NOS1: variants seen among roughly 807,000 people sequenced by gnomAD.
The protein encoded by NOS1 is nitric oxide synthase 1.
Under a neutral mutation model 164.5 loss-of-function variants are expected in NOS1, and 51 were observed. That is an observed-to-expected ratio of 0.31 (90% CI 0.25 to 0.39). The LOEUF is 0.39. NOS1 is among the 10% of genes least tolerant of loss of function. NOS1 has a pLI of 1.00. For missense variants in NOS1, 1,362 were observed against 1,885.6 expected (o/e 0.72, Z 5.14); for synonymous variants, 719 against 745.8 (o/e 0.96, Z 0.59).
chr12:117,307,351 G>GTGCTTT lies in NOS1; in HGVS notation c.852+4109_852+4114dup, dbSNP rs147193358. Among the ~76,000 whole-genome samples, 400 of 151,870 alleles carry GTGCTTT rather than the reference G, an allele frequency of 2.6e-3. 1 individual carries two copies. The highest frequency in any genetic ancestry group is 9.4e-3 in the African/African-American group (388 of 41,492). Reference sequence around the variant, plus strand: ...GTGTAGAAATGAAGAATGTTGTTAGGTGCTTTTTTTTGTTTTGTTTTTGTT... The same window carrying GTGCTTT: ...GTGTAGAAATGAAGAATGTTGTTAGGTGCTTTTGCTTTTTTTTGTTTTGTTTTTGTT... On this transcript the variant is annotated intron_variant, in intron 3 of 28. Transcript: ENST00000317775.
chr12:117,328,902 T>C (rs2136073061), intron 2 of NOS1, among the ~76,000 whole-genome samples: 1 of 152,332 alleles, frequency 6.6e-6, no homozygotes, highest in African/African-American at 2.4e-5. Flanking sequence ...ACTCCACACC[T>C]AGGCTATACG....
chr12:117,261,946 A>T (rs182630385), intron 13 of NOS1, among the ~76,000 whole-genome samples: 58 of 152,308 alleles, frequency 3.8e-4, no homozygotes, highest in African/African-American at 1.3e-3. Context: ...TTCCAGGGGC[A>T]CTAGCAGACA....
chr12:117,212,483 T>C lies in NOS1; in HGVS notation c.*2826A>G, dbSNP rs1261094732. The C allele has an allele frequency of 3.0e-6, 3 of 985,288 alleles. No homozygotes were observed. The highest frequency in any genetic ancestry group is 3.5e-5 in the African/African-American group (2 of 57,228). 61.0% of individuals were successfully genotyped at this position (985,288 alleles called of 1,614,324 possible). ...AAGGAGTTTAACATCATCTCTCTGC[T>C]CTTTCACGACACAAGCTGTGGGAAC... On this transcript the variant is annotated 3_prime_UTR_variant, in exon 29 of 29. Coordinates refer to ENST00000317775, the MANE Select transcript of NOS1 (RefSeq NM_000620.5).
intron 1 of NOS1, among the ~76,000 whole-genome samples, chr12:117,349,870 G>A (rs1377579678): frequency 3.4e-5 from 5 of 148,346 alleles, no homozygotes; most frequent in Non-Finnish European, 7.4e-5. Flanking sequence ...CTACAGGCAC[G>A]AGCCACCACA....
chr12:117,312,011 G>A (rs191835935), intron 2 of NOS1, among the ~76,000 whole-genome samples: 2 of 152,262 alleles, frequency 1.3e-5, no homozygotes, highest in Admixed American at 1.3e-4. Context: ...GGAAAAAGTA[G>A]GAGGTAGGAA....
chr12:117,241,867 G>A (rs1182089137), intron 20 of NOS1, among the ~76,000 whole-genome samples: 1 of 152,220 alleles, frequency 6.6e-6, no homozygotes, highest in African/African-American at 2.4e-5. Flanking sequence ...GCTCTCCACT[G>A]CACTGTGACC....
At chr12:117,328,287 T>C (rs496505) in intron 2 of NOS1, among the ~76,000 whole-genome samples, 115,994 of 151,784 alleles carry the variant, frequency 0.76, 44,823 homozygotes, top group South Asian at 0.85. Flanking sequence ...TCTCCTGGCT[T>C]AGCCTCCCAA....
At chr12:117,274,545 G>C (rs2136001157) in intron 9 of NOS1, among the ~76,000 whole-genome samples, 1 of 152,188 alleles carries the variant, frequency 6.6e-6, no homozygotes, top group East Asian at 1.9e-4. Context: ...GAGGCAGGTG[G>C]ATCATTTGAG....
At chr12:117,247,124 C>T (rs982693544) in intron 18 of NOS1, among the ~76,000 whole-genome samples, 1 of 152,148 alleles carries the variant, frequency 6.6e-6, no homozygotes, top group African/African-American at 2.4e-5. Flanking sequence ...TTTTTATGGA[C>T]TAACTCCTTG....
chr12:117,317,191 T>C (rs1874707456), intron 2 of NOS1, among the ~76,000 whole-genome samples: 1 of 151,978 alleles, frequency 6.6e-6, no homozygotes, highest in African/African-American at 2.4e-5. Flanking sequence ...TGTTTTATTA[T>C]TTATTCACCA....
chr12:117,230,643 A>C (rs992139219), intron 22 of NOS1, among the ~76,000 whole-genome samples: 7 of 152,148 alleles, frequency 4.6e-5, no homozygotes, highest in African/African-American at 1.7e-4. Context: ...TCCTGGGTAG[A>C]ATTTTTATTG....
chr12:117,267,279 C>T (rs187560979), intron 11 of NOS1, among the ~76,000 whole-genome samples: 6 of 152,252 alleles, frequency 3.9e-5, no homozygotes, highest in Middle Eastern at 3.4e-3. Context: ...TTACTAGTGT[C>T]GCCCTCTGGC....
intron 2 of NOS1, among the ~76,000 whole-genome samples, chr12:117,324,873 G>C (rs1875166242): frequency 6.6e-6 from 1 of 152,204 alleles, no homozygotes; most frequent in Non-Finnish European, 1.5e-5. Context: ...ACTGTCTTTA[G>C]AGTAAACATC....
At position 117,281,469 on chromosome 12, in the gene NOS1, A is replaced by T. The variant is rs546022156; in HGVS notation, c.1383-603T>A. Among the ~76,000 whole-genome samples, 110 of 147,094 alleles carry T rather than the reference A, an allele frequency of 7.5e-4. 2 individuals carry two copies. In the South Asian group the frequency reaches 0.023, roughly 31 times the overall value. ...TGGGAGGCAGAGGTTTCAGTAAGCC[A>T]AGATCACACCACTGCACTCCAGCCT... On this transcript the variant is annotated intron_variant, in intron 7 of 28. Coordinates refer to ENST00000317775, the MANE Select transcript of NOS1 (RefSeq NM_000620.5).
chr12:117,325,727 T>C (rs554600588), intron 2 of NOS1, among the ~76,000 whole-genome samples: 37 of 152,302 alleles, frequency 2.4e-4, no homozygotes, highest in African/African-American at 8.2e-4. Context: ...TTTTGGAAAA[T>C]TGCATCACCA....
chr12:117,260,759 G>A (rs749522459), intron 13 of NOS1, 150 bp from the exon 14 acceptor site: 5 of 641,698 alleles, frequency 7.8e-6, no homozygotes, highest in Admixed American at 3.3e-5. Context: ...TTTCCTCAGA[G>A]GCACTTGAAG....
At chr12:117,241,521 T>A (rs1486447190) in intron 20 of NOS1, among the ~76,000 whole-genome samples, 1 of 149,128 alleles carries the variant, frequency 6.7e-6, no homozygotes, top group Non-Finnish European at 1.5e-5. Context: ...GGTAACCTGG[T>A]GAACCAAGCA....
At chr12:117,355,725 C>T (rs4767533) in intron 1 of NOS1, among the ~76,000 whole-genome samples, 40,426 of 152,014 alleles carry the variant, frequency 0.27, 5,716 homozygotes, top group East Asian at 0.51. Flanking sequence ...CACCAACTGG[C>T]TAACTCTTTT....
chr12:117,224,218 G>A (rs1443531136), intron 25 of NOS1, among the ~76,000 whole-genome samples: 2 of 152,120 alleles, frequency 1.3e-5, no homozygotes, highest in African/African-American at 4.8e-5. Flanking sequence ...TCACTGCTAT[G>A]CCCCAACGCC....
Sources: allele counts gnomAD v4.1 joint callset (sites outside exome capture counted in the v4.1 genomes callset), GRCh38; gene constraint gnomAD v4.1.1; transcripts MANE v1.5; gene names NCBI Gene and HGNC (gene_info 2026-07-23, HGNC 2026-07-21).